Variants in PPP2R3A observed in about 807,000 individuals in gnomAD.
PPP2R3A encodes protein phosphatase 2 regulatory subunit B''alpha.
Under a neutral mutation model 106.9 loss-of-function variants are expected in PPP2R3A, and 80 were observed. The observed-to-expected ratio is 0.75, with a 90% CI of 0.62 to 0.90. PPP2R3A has a LOEUF of 0.90. PPP2R3A is among the 40% of genes least tolerant of loss of function. The pLI is 0.00. For missense variants in PPP2R3A, 1,386 were observed against 1,350.4 expected (o/e 1.03, Z -0.41); for synonymous variants, 483 against 468.3 (o/e 1.03, Z -0.41).
At chr3:136,000,069 T>C (rs192103265) in intron 1 of PPP2R3A, among the ~76,000 whole-genome samples, 53 of 152,316 alleles carry the variant, frequency 3.5e-4, no homozygotes, top group Non-Finnish European at 6.8e-4. Context: ...AATACCTCCT[T>C]GGCCTCCTTC....
chr3:136,069,160 C>A (rs1936352778), intron 5 of PPP2R3A, among the ~76,000 whole-genome samples: 1 of 152,152 alleles, frequency 6.6e-6, no homozygotes, highest in Non-Finnish European at 1.5e-5. Context: ...ATATCTTATC[C>A]ATGTTCATTT....
intron 6 of PPP2R3A, among the ~76,000 whole-genome samples, chr3:136,071,748 C>T (rs1395563883): frequency 1.3e-5 from 2 of 152,194 alleles, no homozygotes; most frequent in East Asian, 1.9e-4. Context: ...CCATAATCCT[C>T]CCATACCCTG....
intron 13 of PPP2R3A, chr3:136,106,695 G>T (rs1481597330): frequency 5.2e-6 from 1 of 192,934 alleles, no homozygotes; most frequent in African/African-American, 2.4e-5. Flanking sequence ...GCCGAGGCGG[G>T]TGGATAACCA....
At chr3:136,045,075 G>A (rs147512141) in intron 4 of PPP2R3A, among the ~76,000 whole-genome samples, 3 of 152,304 alleles carry the variant, frequency 2.0e-5, no homozygotes, top group South Asian at 4.1e-4. Context: ...GACCTGGAGA[G>A]AGCAGGGCTG....
At chr3:136,131,533 G>T (rs1344536227) in intron 13 of PPP2R3A, among the ~76,000 whole-genome samples, 1 of 152,190 alleles carries the variant, frequency 6.6e-6, no homozygotes, top group African/African-American at 2.4e-5. Flanking sequence ...GAGAGGATGT[G>T]GAGAAATAGG....
intron 7 of PPP2R3A, among the ~76,000 whole-genome samples, chr3:136,079,795 A>C (rs150896843): frequency 6.6e-6 from 1 of 151,808 alleles, no homozygotes; most frequent in African/African-American, 2.4e-5. Context: ...AATATACTTA[A>C]ATGATTTGTA....
intron 7 of PPP2R3A, among the ~76,000 whole-genome samples, chr3:136,081,162 T>C (rs1247518890): frequency 6.6e-6 from 1 of 152,042 alleles, no homozygotes; most frequent in African/African-American, 2.4e-5. Context: ...CCAGCTAATA[T>C]TTGTATTTAT....
At chr3:135,986,689 G>A (rs567082382) in intron 1 of PPP2R3A, among the ~76,000 whole-genome samples, 24 of 152,050 alleles carry the variant, frequency 1.6e-4, no homozygotes, top group South Asian at 4.2e-4. Flanking sequence ...CCCACTACCC[G>A]CAGTAGTATC....
chr3:136,001,391 A>T lies in PPP2R3A; in HGVS notation c.-108A>T. ...AAAGCCATTATATTTGGAAGAAACC[A>T]CTGAACATTGTTATTAAATATATTT... On this transcript the variant is annotated 5_prime_UTR_variant, in exon 2 of 14. Transcript: ENST00000264977. 1.0e-6 allele frequency: 1 copy of T among 977,072 alleles called. No homozygotes were observed. The highest frequency in any genetic ancestry group is 1.5e-6 in the Non-Finnish European group (1 of 652,224). 60.5% of individuals were successfully genotyped at this position (977,072 alleles called of 1,614,324 possible).
Position 136,015,492 on chromosome 3 carries a change from C to T in PPP2R3A, c.1996-11340C>T, listed in dbSNP as rs552791247. On this transcript the variant is annotated intron_variant, in intron 2 of 13. Coordinates refer to ENST00000264977, the MANE Select transcript of PPP2R3A (RefSeq NM_002718.5). Reference sequence around the variant, plus strand: ...TTTTTTTATTACCATTTCACTCTCTCTGCTTGTTATTGGTCTGTTGAGCTT... The same window carrying T: ...TTTTTTTATTACCATTTCACTCTCTTTGCTTGTTATTGGTCTGTTGAGCTT... Among the ~76,000 whole-genome samples, 7 of 151,998 alleles carry T rather than the reference C, an allele frequency of 4.6e-5. No individual in the cohort carries two copies. In the South Asian group the frequency reaches 1.5e-3, roughly 32 times the overall value.
chr3:135,971,108 G>C (rs1300241522), intron 1 of PPP2R3A, among the ~76,000 whole-genome samples: 2 of 152,124 alleles, frequency 1.3e-5, no homozygotes, highest in South Asian at 2.1e-4. Flanking sequence ...GAGATTCCCA[G>C]GAATAGTTTT....
chr3:136,051,325 TTTG>T (rs1158426117), intron 5 of PPP2R3A, among the ~76,000 whole-genome samples: 2 of 152,122 alleles, frequency 1.3e-5, no homozygotes, highest in Non-Finnish European at 1.5e-5. Context: ...GCTGCCATGT[TTTG>T]TTGTTGTTTG....
chr3:136,081,611 A>C (rs547427577), intron 7 of PPP2R3A, among the ~76,000 whole-genome samples: 1 of 151,986 alleles, frequency 6.6e-6, no homozygotes, highest in South Asian at 2.1e-4. Context: ...TTCACTTCTG[A>C]ATATGTCTTT....
chr3:136,126,729 C>G (rs1938195613), intron 13 of PPP2R3A, among the ~76,000 whole-genome samples: 2 of 152,172 alleles, frequency 1.3e-5, no homozygotes, highest in Admixed American at 6.5e-5. Flanking sequence ...GGGGAGACAC[C>G]TCCTAGTAGG....
chr3:136,022,534 C>CT (rs950604018), intron 2 of PPP2R3A, among the ~76,000 whole-genome samples: 3 of 151,740 alleles, frequency 2.0e-5, no homozygotes, highest in African/African-American at 7.3e-5. Context: ...GTAGCCTGTT[C>CT]TTTTTTTTAT....
chr3:136,122,098 GGAA>G (rs1267570409), intron 13 of PPP2R3A, among the ~76,000 whole-genome samples: 2 of 152,152 alleles, frequency 1.3e-5, no homozygotes, highest in Admixed American at 1.3e-4. Flanking sequence ...GATATGGACA[GGAA>G]GAAATTTGTA....
intron 4 of PPP2R3A, among the ~76,000 whole-genome samples, chr3:136,041,825 C>A (rs1214373287): frequency 3.3e-5 from 5 of 152,170 alleles, no homozygotes; most frequent in African/African-American, 1.2e-4. Flanking sequence ...GACAAATTTT[C>A]TTGAATTCAA....
At chr3:136,043,034 CAAAT>C (rs1257134128) in intron 4 of PPP2R3A, among the ~76,000 whole-genome samples, 1 of 149,968 alleles carries the variant, frequency 6.7e-6, no homozygotes, top group Admixed American at 6.6e-5. Flanking sequence ...TTAAAACTTT[CAAAT>C]AAAAAAATTG....
At chr3:136,135,723 G>A (rs1246811293) in intron 13 of PPP2R3A, among the ~76,000 whole-genome samples, 1 of 152,068 alleles carries the variant, frequency 6.6e-6, no homozygotes, top group Non-Finnish European at 1.5e-5. Flanking sequence ...ATGATAAATA[G>A]TAGCTATTAC....
Sources: allele counts gnomAD v4.1 joint callset (sites outside exome capture counted in the v4.1 genomes callset), GRCh38; gene constraint gnomAD v4.1.1; transcripts MANE v1.5; gene names NCBI Gene and HGNC (gene_info 2026-07-23, HGNC 2026-07-21).